The following RICTOR variants were observed in gnomAD, a reference collection of about 807,000 sequenced individuals.
RICTOR encodes RPTOR independent companion of MTOR complex 2, also known as rapamycin-insensitive companion of mTOR.
A neutral mutation model predicts 214.9 loss-of-function variants in RICTOR; 49 were observed. The ratio of observed to expected loss-of-function variants is 0.23; its 90% CI spans 0.18 to 0.29. The LOEUF (loss-of-function observed/expected upper bound fraction) is 0.29, where lower values mean the gene tolerates loss of function less well. Among genes scored for constraint, RICTOR ranks in the 10% least tolerant of loss-of-function variants. RICTOR has a pLI of 1.00. For missense variants in RICTOR, 1,625 were observed against 2,047.0 expected (o/e 0.79, Z 3.98); for synonymous variants, 717 against 711.3 (o/e 1.01, Z -0.13).
chr5:39,062,281 T>G (rs1488655586), intron 2 of RICTOR, among the ~76,000 whole-genome samples: 2 of 152,122 alleles, frequency 1.3e-5, no homozygotes, highest in Non-Finnish European at 2.9e-5. Context: ...ATATTCCACT[T>G]GCTACCTGAT....
At chr5:39,052,148 T>C (rs1231210520) in intron 2 of RICTOR, among the ~76,000 whole-genome samples, 1 of 151,838 alleles carries the variant, frequency 6.6e-6, no homozygotes, top group African/African-American at 2.4e-5. Context: ...CTGATGTGGG[T>C]GGACTGCTTG....
chr5:38,958,450 G>A lies in RICTOR; in HGVS notation c.2413C>T (p.Leu805=). The A allele has an allele frequency of 1.2e-6, 2 of 1,602,980 alleles. No homozygotes were observed. The highest frequency in any genetic ancestry group is 1.7e-6 in the Non-Finnish European group (2 of 1,170,116). The change falls in exon 24 of 38, where the codon CTG becomes TTG. Residue 805 remains leucine, a synonymous_variant. Coordinates refer to ENST00000357387, the MANE Select transcript of RICTOR (RefSeq NM_152756.5). ...SHLGDKGLLL[L]LRFLSIPKGF... ...AATTTACTTAAAATTTACCTCAGCA[G>A]GAGAAGCAAACCCTTGTCTCCAAGG...
In RICTOR at chr5:38,941,902, C is replaced by T. The variant is rs1303873025; in HGVS notation, c.*402G>A. ...TCCACAAGTTAGTTAACAAACAAGGCATCTGTATTATTTACCCTAAAAATC... is the reference window on the plus strand; with the variant it reads ...TCCACAAGTTAGTTAACAAACAAGGTATCTGTATTATTTACCCTAAAAATC... On this transcript the variant is annotated 3_prime_UTR_variant, in exon 38 of 38. Transcript: ENST00000357387. 1 of 234,414 alleles carries T rather than the reference C, an allele frequency of 4.3e-6. No individual in the cohort carries two copies. The highest frequency in any genetic ancestry group is 8.4e-6 in the Non-Finnish European group (1 of 118,738). 14.5% of individuals were successfully genotyped at this position (234,414 alleles called of 1,614,324 possible). A position where few individuals can be genotyped will look rare whatever the true frequency, so the allele number is the denominator to read the frequency against.
At chr5:38,992,016 T>C (rs1174984778) in intron 6 of RICTOR, among the ~76,000 whole-genome samples, 2 of 152,080 alleles carry the variant, frequency 1.3e-5, no homozygotes, top group Non-Finnish European at 2.9e-5. Context: ...GGATGTAATA[T>C]AACTAATGAA....
chr5:39,008,882 TAC>T (rs1211935980), intron 3 of RICTOR, among the ~76,000 whole-genome samples: 5 of 151,988 alleles, frequency 3.3e-5, no homozygotes, highest in African/African-American at 1.2e-4. Flanking sequence ...ATGGTCAGCT[TAC>T]AGTGTTATCA....
rs143280630 is a variant in RICTOR at position 38,968,029 on chromosome 5, C to T, written c.974G>A (p.Arg325Gln). The change falls in exon 12 of 38, where the codon CGA (arginine) becomes CAA (glutamine). Residue 325 changes from arginine (R) to glutamine (Q), a missense_variant and splice_region_variant. Around this residue, in one of 5 missense-constraint regions of RICTOR, gnomAD observed 258 missense variants for 393.7 expected, o/e 0.66. Coordinates refer to ENST00000357387, the MANE Select transcript of RICTOR (RefSeq NM_152756.5). The stretch of plus-strand genomic sequence containing the variant: ...ATCATAAAGCACTTCAAGTAGACCT[C>T]GCTAAATTAGCAAACAAATACACCT... ...VLCIPNMEIR[R>Q]GLLEVLYDIF... 2.2e-5 allele frequency: 35 copies of T among 1,581,160 alleles called. No homozygotes were observed. The highest frequency in any genetic ancestry group is 6.7e-5 in the East Asian group (3 of 44,610).
intron 2 of RICTOR, among the ~76,000 whole-genome samples, chr5:39,056,478 A>G (rs1479675886): frequency 6.6e-6 from 1 of 152,038 alleles, no homozygotes; most frequent in Non-Finnish European, 1.5e-5. Flanking sequence ...TACAAAAAAT[A>G]CCAAAAAATT....
At chr5:39,020,305 T>C (rs1190836556) in intron 3 of RICTOR, among the ~76,000 whole-genome samples, 1 of 152,204 alleles carries the variant, frequency 6.6e-6, no homozygotes, top group African/African-American at 2.4e-5. Context: ...CAAACAGCAC[T>C]GCATGCTACG....
rs767502575 is a variant in RICTOR at position 38,964,775 on chromosome 5, A to G, written c.1400+17T>C. 3 of 1,331,332 alleles carry G rather than the reference A, an allele frequency of 2.3e-6. No individual in the cohort carries two copies. The East Asian group carries it at 7.2e-5, about 32-fold the overall frequency. The allele number at this position is 1,331,332 out of a possible 1,614,324, so 82.5% of individuals were successfully genotyped here. ...AAATATATCAAACAAAAGCTTTGCT[A>G]AAGCTCTGATACTTACAGTCTCTTT... On this transcript the variant is annotated intron_variant, in intron 16 of 37. Transcript: ENST00000357387.
At chr5:39,041,755 T>G (rs1479687923) in intron 2 of RICTOR, among the ~76,000 whole-genome samples, 6 of 152,064 alleles carry the variant, frequency 3.9e-5, no homozygotes, top group African/African-American at 1.4e-4. Context: ...AAATAACAAC[T>G]AACCTTACAA....
Position 38,938,184 on chromosome 5 carries a change from C to T in RICTOR, c.*4120G>A, listed in dbSNP as rs1480435574. The T allele has an allele frequency of 9.0e-6, 2 of 221,092 alleles. No homozygotes were observed. The highest frequency in any genetic ancestry group is 4.5e-5 in the African/African-American group (2 of 44,616). The allele number at this position is 221,092 out of a possible 1,614,324, so 13.7% of individuals were successfully genotyped here. On this transcript the variant is annotated 3_prime_UTR_variant, in exon 38 of 38. Coordinates refer to ENST00000357387, the MANE Select transcript of RICTOR (RefSeq NM_152756.5). The stretch of plus-strand genomic sequence containing the variant: ...TACAATATAAATCAGATTTCAATGT[C>T]TGTTCAGTGACCTACAAACACCAGA...
chr5:38,950,498 C>G lies in RICTOR; in HGVS notation c.3350G>C (p.Gly1117Ala), dbSNP rs1297035440. Reference sequence around the variant, plus strand: ...CTTACTTTCAGATGATAATTTCCCTCCTTTTGGATCACTGCTACTACGATG... The same window carrying G: ...CTTACTTTCAGATGATAATTTCCCTGCTTTTGGATCACTGCTACTACGATG... Reference protein sequence around the residue: ...KKHRSSSDPKGGKLSSESKTS... With the variant: ...KKHRSSSDPKAGKLSSESKTS... The change falls in exon 31 of 38, where the codon GGA becomes GCA. Residue 1117 changes from glycine (G) to alanine (A), a missense_variant. Gly to Ala is a moderately conservative substitution (Grantham distance 60). This residue lies in a region of RICTOR where 1,214 missense variants were observed against 1,470.5 expected (regional missense o/e 0.83). Coordinates refer to ENST00000357387, the MANE Select transcript of RICTOR (RefSeq NM_152756.5). 6.2e-7 allele frequency: 1 copy of G among 1,613,418 alleles called. No individual in the cohort carries two copies.
chr5:38,940,784 T>A lies in RICTOR; in HGVS notation c.*1520A>T, dbSNP rs747117021. ...AGTAAATAAATTTTTTAAAAAAGTA[T>A]CTCTGTGAGTTATGTTTTCTAGTTC... On this transcript the variant is annotated 3_prime_UTR_variant, in exon 38 of 38. Coordinates refer to ENST00000357387, the MANE Select transcript of RICTOR (RefSeq NM_152756.5). The A allele has an allele frequency of 4.3e-6, 1 of 232,062 alleles. No individual in the cohort carries two copies. The highest frequency in any genetic ancestry group is 8.5e-6 in the Non-Finnish European group (1 of 117,370). 14.4% of individuals were successfully genotyped at this position (232,062 alleles called of 1,614,324 possible). A position where few individuals can be genotyped will look rare whatever the true frequency, so the allele number is the denominator to read the frequency against.
chr5:38,949,682 T>C lies in RICTOR; in HGVS notation c.4136+30A>G, dbSNP rs751870808. 7 of 1,569,352 alleles carry C rather than the reference T, an allele frequency of 4.5e-6. No individual in the cohort carries two copies. The East Asian group carries it at 1.1e-4, about 25-fold the overall frequency. On this transcript the variant is annotated intron_variant, in intron 31 of 37. Transcript: ENST00000357387. The stretch of plus-strand genomic sequence containing the variant: ...TAAATTTGTTAAAATGCAACCATTA[T>C]TGGTCACTTCTAAACATATATTTGC...
At chr5:38,973,496 T>C (rs751302649) in intron 10 of RICTOR, among the ~76,000 whole-genome samples, 1 of 152,154 alleles carries the variant, frequency 6.6e-6, no homozygotes, top group Non-Finnish European at 1.5e-5. Flanking sequence ...CACTGTATAG[T>C]TTTTTCAATT....
chr5:39,006,415 C>A (rs1012320653), intron 3 of RICTOR, among the ~76,000 whole-genome samples: 1 of 151,934 alleles, frequency 6.6e-6, no homozygotes, highest in Admixed American at 6.6e-5. Flanking sequence ...TGATTTATTG[C>A]GGCTAACTGA....
intron 20 of RICTOR, 82 bp downstream of exon 20, chr5:38,960,316 A>ACAT (rs1749686376): frequency 1.5e-6 from 2 of 1,373,152 alleles, no homozygotes; most frequent in Admixed American, 4.1e-5. Flanking sequence ...TAAAAGCAAA[A>ACAT]CACAAGGTGG....
chr5:39,045,133 A>T (rs1263500210), intron 2 of RICTOR, among the ~76,000 whole-genome samples: 2 of 152,220 alleles, frequency 1.3e-5, no homozygotes, highest in Non-Finnish European at 2.9e-5. Context: ...CTGTTAAAAG[A>T]TAATTTGTGG....
chr5:38,981,759 G>C, intron 8 of RICTOR, 108 bp downstream of exon 8: 1 of 705,422 alleles, frequency 1.4e-6, no homozygotes, highest in Non-Finnish European at 2.3e-6. Flanking sequence ...GGCTAATTTA[G>C]GCTTGATAAT....
Sources: allele counts gnomAD v4.1 joint callset (sites outside exome capture counted in the v4.1 genomes callset), GRCh38; gene constraint gnomAD v4.1.1; regional missense constraint gnomAD v4.1.1; transcripts MANE v1.5; gene names NCBI Gene and HGNC (gene_info 2026-07-23, HGNC 2026-07-21).